Variants in CLASP2 observed in about 807,000 individuals in gnomAD.
The protein encoded by CLASP2 is CLIP-associating protein 2.
In CLASP2, 47 loss-of-function variants were observed where a neutral mutation model predicts 194.4. The ratio of observed to expected loss-of-function variants is 0.24; its 90% CI spans 0.19 to 0.31. The LOEUF is 0.31. Among genes scored for constraint, CLASP2 ranks in the 10% least tolerant of loss-of-function variants. CLASP2 has a pLI of 1.00. For missense variants in CLASP2, 1,445 were observed against 1,823.6 expected (o/e 0.79, Z 3.78); for synonymous variants, 619 against 633.5 (o/e 0.98, Z 0.34).
chr3:33,683,706 C>G (rs1301625932), intron 6 of CLASP2: 1 of 152,222 alleles, frequency 6.6e-6, no homozygotes, highest in Non-Finnish European at 1.5e-5. Context: ...CTTTAGGGAG[C>G]TGAGGTGGGC....
intron 36 of CLASP2, chr3:33,514,698 T>C (rs1173196155): frequency 2.7e-6 from 1 of 367,288 alleles, no homozygotes; most frequent in East Asian, 7.6e-5. Context: ...AAAGAAGTCA[T>C]GATATGAAAA....
intron 32 of CLASP2, among the ~76,000 whole-genome samples, chr3:33,542,579 A>G (rs1185897620): frequency 6.7e-6 from 1 of 150,130 alleles, no homozygotes; most frequent in Non-Finnish European, 1.5e-5. Flanking sequence ...GAATATGAAA[A>G]CCATAGTATG....
At chr3:33,568,925 C>A (rs1174895676) in intron 26 of CLASP2, among the ~76,000 whole-genome samples, 1 of 152,124 alleles carries the variant, frequency 6.6e-6, no homozygotes, top group African/African-American at 2.4e-5. Flanking sequence ...TTTAACTCGG[C>A]ACAGGATGGT....
At chr3:33,550,570 A>C (rs1245311254) in intron 30 of CLASP2, among the ~76,000 whole-genome samples, 3 of 152,004 alleles carry the variant, frequency 2.0e-5, no homozygotes, top group African/African-American at 7.2e-5. Flanking sequence ...AAATAAAATA[A>C]TAATCTATGC....
At chr3:33,688,219 G>C in intron 4 of CLASP2, 58 bp downstream of exon 4, 1 of 1,330,522 alleles carries the variant, frequency 7.5e-7, no homozygotes. Context: ...TGTGAACTGA[G>C]GTTTTTTTTA....
intron 8 of CLASP2, among the ~76,000 whole-genome samples, chr3:33,636,048 G>T (rs2080082892): frequency 6.6e-6 from 1 of 152,168 alleles, no homozygotes; most frequent in African/African-American, 2.4e-5. Context: ...ACCAACTAAG[G>T]TTCTCTCTAG....
intron 33 of CLASP2, among the ~76,000 whole-genome samples, chr3:33,538,066 G>A (rs371719495): frequency 1.4e-4 from 22 of 152,146 alleles, no homozygotes; most frequent in African/African-American, 4.8e-4. Context: ...GCGTGAACCC[G>A]GAAGGCAGAG....
intron 6 of CLASP2, 79 bp from the exon 7 acceptor site, chr3:33,663,594 C>A (rs1424979792): frequency 1.0e-6 from 1 of 1,001,418 alleles, no homozygotes; most frequent in Non-Finnish European, 1.5e-6. Flanking sequence ...CTTCACCATT[C>A]CCTTAGAAAA....
chr3:33,596,843 C>T lies in CLASP2; in HGVS notation c.1925-109G>A, dbSNP rs146378835. Reference sequence around the variant, plus strand: ...CTTTAAGAAGACAGAATTCATAGTACAGACGTATATATCAAGCTTGTTTTC... The same window carrying T: ...CTTTAAGAAGACAGAATTCATAGTATAGACGTATATATCAAGCTTGTTTTC... On this transcript the variant is annotated intron_variant, in intron 18 of 38. Coordinates refer to ENST00000682230, the MANE Select transcript of CLASP2 (RefSeq NM_001365631.1). The T allele has an allele frequency of 3.2e-4, 270 of 848,004 alleles. No homozygotes were observed. The African/African-American group carries it at 4.3e-3, about 13-fold the overall frequency. The allele number at this position is 848,004 out of a possible 1,614,324, so 52.5% of individuals were successfully genotyped here.
intron 2 of CLASP2, among the ~76,000 whole-genome samples, chr3:33,693,231 G>A (rs2154349326): frequency 6.6e-6 from 1 of 151,782 alleles, no homozygotes; most frequent in South Asian, 2.1e-4. Flanking sequence ...TACTCTTTTT[G>A]GAACTGTATC....
intron 26 of CLASP2, among the ~76,000 whole-genome samples, chr3:33,568,553 C>CA (rs568821764): frequency 0.16 from 8,835 of 56,692 alleles, 758 homozygotes; most frequent in Non-Finnish European, 0.17. Context: ...GATCTTGTCT[C>CA]AAAAAAAAAA....
Position 33,610,803 on chromosome 3 carries a change from A to G in CLASP2, c.1388+1198T>C, listed in dbSNP as rs116396105. Among the ~76,000 whole-genome samples the G allele has an allele frequency of 8.4e-3, 1,279 of 152,344 alleles. 21 individuals carry two copies. Among genetic ancestry groups the G allele is most frequent in the African/African-American group, 0.028 (1,156 of 41,562 alleles). On this transcript the variant is annotated intron_variant, in intron 13 of 38. Transcript: ENST00000682230. ...AAGCTGTTGTTTGCTGACCCCTGAC[A>G]TAAGACAGAGATGACTGAACAACTG...
chr3:33,624,666 A>G (rs2077690483), intron 10 of CLASP2, among the ~76,000 whole-genome samples: 1 of 152,114 alleles, frequency 6.6e-6, no homozygotes, highest in Admixed American at 6.6e-5. Context: ...GTAGTAATAT[A>G]CAAAAATTAT....
intron 26 of CLASP2, among the ~76,000 whole-genome samples, chr3:33,569,219 G>A (rs1476916857): frequency 6.6e-6 from 1 of 152,128 alleles, no homozygotes; most frequent in Non-Finnish European, 1.5e-5. Context: ...TCCTATACCA[G>A]TGTTAAACTC....
At chr3:33,597,040 G>A (rs776091633) in intron 18 of CLASP2, among the ~76,000 whole-genome samples, 14 of 152,090 alleles carry the variant, frequency 9.2e-5, no homozygotes, top group Middle Eastern at 3.2e-3. Flanking sequence ...CCAATCCCCT[G>A]CTCTAGTCTG....
intron 20 of CLASP2, among the ~76,000 whole-genome samples, chr3:33,594,208 TCA>T (rs2069590255): frequency 6.6e-6 from 1 of 152,178 alleles, no homozygotes; most frequent in Non-Finnish European, 1.5e-5. Context: ...TTTAAATATA[TCA>T]GAGTAAATAT....
At chr3:33,510,210 G>C (rs562100028) in intron 37 of CLASP2, among the ~76,000 whole-genome samples, 4 of 152,264 alleles carry the variant, frequency 2.6e-5, no homozygotes, top group South Asian at 2.1e-4. Flanking sequence ...CAGGTGCTGG[G>C]GGGGATGAAG....
At chr3:33,641,901 C>A (rs2081373772) in intron 8 of CLASP2, among the ~76,000 whole-genome samples, 1 of 151,726 alleles carries the variant, frequency 6.6e-6, no homozygotes, top group Non-Finnish European at 1.5e-5. Flanking sequence ...TTATATACCT[C>A]GGAGTAGCAA....
intron 23 of CLASP2, among the ~76,000 whole-genome samples, chr3:33,578,910 C>G (rs1394602761): frequency 1.3e-5 from 2 of 152,110 alleles, no homozygotes; most frequent in Non-Finnish European, 2.9e-5. Context: ...TGCTTTAGGG[C>G]CCTCAGGCTA....
Sources: gnomAD v4.1 joint callset for allele counts (sites outside exome capture counted in the v4.1 genomes callset) on GRCh38, gnomAD v4.1.1 for gene constraint, MANE v1.5 for transcripts, NCBI Gene and HGNC (gene_info 2026-07-23, HGNC 2026-07-21) for gene names.